ALK: variants seen among roughly 807,000 people sequenced by gnomAD.
ALK encodes the protein ALK receptor tyrosine kinase.
A neutral mutation model predicts 163.1 loss-of-function variants in ALK; 74 were observed. The observed-to-expected ratio is 0.45, with a 90% CI of 0.38 to 0.55. The LOEUF is 0.55. ALK is among the 20% of genes least tolerant of loss of function. The pLI is 0.00. For missense variants in ALK, 2,063 were observed against 2,105.3 expected (o/e 0.98, Z 0.39); for synonymous variants, 960 against 843.2 (o/e 1.14, Z -2.40).
chr2:29,914,271 T>C (rs1027444186), intron 1 of ALK, among the ~76,000 whole-genome samples: 1 of 152,214 alleles, frequency 6.6e-6, no homozygotes, highest in African/African-American at 2.4e-5. Context: ...CTTATAACTC[T>C]CTTCATTTCC....
chr2:29,350,406 T>C (rs760107574), intron 5 of ALK, among the ~76,000 whole-genome samples: 27 of 152,202 alleles, frequency 1.8e-4, no homozygotes, highest in Non-Finnish European at 2.2e-4. Flanking sequence ...CCTATGGCCA[T>C]TGGATCTGGA....
intron 4 of ALK, among the ~76,000 whole-genome samples, chr2:29,483,449 T>TGG (rs1201358515): frequency 4.6e-5 from 7 of 152,184 alleles, no homozygotes; most frequent in Non-Finnish European, 1.0e-4. Flanking sequence ...CGGTATCTCC[T>TGG]GGGAGCTTTT....
chr2:29,796,610 A>C (rs1558492049), intron 1 of ALK, among the ~76,000 whole-genome samples: 6 of 152,206 alleles, frequency 3.9e-5, no homozygotes, highest in Admixed American at 3.9e-4. Flanking sequence ...ATATGAACAG[A>C]AAGCACAGAT....
intron 8 of ALK, among the ~76,000 whole-genome samples, chr2:29,298,612 G>A (rs984435588): frequency 3.3e-5 from 5 of 152,094 alleles, no homozygotes; most frequent in African/African-American, 1.2e-4. Flanking sequence ...AGTACAATGG[G>A]TGTTTCAAAC....
At chr2:29,395,582 C>A (rs548112204) in intron 4 of ALK, among the ~76,000 whole-genome samples, 1 of 152,334 alleles carries the variant, frequency 6.6e-6, no homozygotes, top group Non-Finnish European at 1.5e-5. Context: ...CCTCTCCTGC[C>A]TTTCTATCCC....
At chr2:29,287,542 A>G (rs1453184290) in intron 9 of ALK, among the ~76,000 whole-genome samples, 1 of 152,196 alleles carries the variant, frequency 6.6e-6, no homozygotes. Context: ...CTGAAAAAAA[A>G]TCCCAATGAC....
At chr2:29,217,057 TTGTATG>T (rs559325645) in intron 23 of ALK, among the ~76,000 whole-genome samples, 384 of 145,296 alleles carry the variant, frequency 2.6e-3, no homozygotes, top group Non-Finnish European at 4.1e-3. Flanking sequence ...GTGGTGTGTG[TTGTATG>T]TGTATGTGTA....
At chr2:29,691,659 G>A (rs1023595611) in intron 3 of ALK, among the ~76,000 whole-genome samples, 3 of 152,150 alleles carry the variant, frequency 2.0e-5, no homozygotes, top group Admixed American at 6.5e-5. Flanking sequence ...ATGCTGAGAA[G>A]TAAAAATTTA....
At chr2:29,860,154 G>C (rs1157463675) in intron 1 of ALK, among the ~76,000 whole-genome samples, 1 of 152,216 alleles carries the variant, frequency 6.6e-6, no homozygotes, top group Admixed American at 6.5e-5. Flanking sequence ...CTTGGAAGCT[G>C]TGGTCTGAGG....
intron 3 of ALK, among the ~76,000 whole-genome samples, chr2:29,688,107 T>C (rs1210415192): frequency 6.6e-6 from 1 of 152,206 alleles, no homozygotes; most frequent in East Asian, 1.9e-4. Context: ...CTCCAAGTGA[T>C]GTAGATTCTA....
intron 5 of ALK, among the ~76,000 whole-genome samples, chr2:29,376,562 A>G (rs900590526): frequency 6.6e-6 from 1 of 152,270 alleles, no homozygotes; most frequent in Non-Finnish European, 1.5e-5. Flanking sequence ...TCTGTGGCAT[A>G]GATGAGTGGA....
intron 4 of ALK, among the ~76,000 whole-genome samples, chr2:29,443,736 T>C (rs776411016): frequency 2.6e-5 from 4 of 152,156 alleles, no homozygotes; most frequent in Non-Finnish European, 5.9e-5. Context: ...TGAGAATAAC[T>C]GGAGCTCAGG....
chr2:29,458,493 T>C (rs918750456), intron 4 of ALK, among the ~76,000 whole-genome samples: 1 of 152,178 alleles, frequency 6.6e-6, no homozygotes, highest in Non-Finnish European at 1.5e-5. Context: ...TGTCTTTCAT[T>C]TGAGGGACTC....
chr2:29,852,154 C>G (rs1666012791), intron 1 of ALK, among the ~76,000 whole-genome samples: 2 of 152,280 alleles, frequency 1.3e-5, no homozygotes, highest in Non-Finnish European at 2.9e-5. Context: ...ATCCAATGAC[C>G]TGTGGCACAG....
At chr2:29,787,960 T>C (rs920162507) in intron 1 of ALK, among the ~76,000 whole-genome samples, 1 of 152,198 alleles carries the variant, frequency 6.6e-6, no homozygotes, top group African/African-American at 2.4e-5. Flanking sequence ...TGGTTAGGTG[T>C]GGCACATAGA....
chr2:29,207,010 A>T (rs1456508454), intron 26 of ALK, among the ~76,000 whole-genome samples, 161 bp downstream of exon 26: 1 of 152,190 alleles, frequency 6.6e-6, no homozygotes, highest in Non-Finnish European at 1.5e-5. Flanking sequence ...ATGAATTCTG[A>T]TAGATGCTCA....
chr2:29,594,522 G>T (rs1430802762), intron 3 of ALK, among the ~76,000 whole-genome samples: 1 of 148,994 alleles, frequency 6.7e-6, no homozygotes, highest in East Asian at 2.0e-4. Context: ...TCTGCCTCCC[G>T]GGTTCAAGCG....
intron 3 of ALK, among the ~76,000 whole-genome samples, chr2:29,596,771 T>C (rs868009197): frequency 1.3e-5 from 2 of 152,154 alleles, no homozygotes; most frequent in Non-Finnish European, 2.9e-5. Context: ...CACTTGAGAA[T>C]TCCCCTGGCA....
chr2:29,767,006 G>T (rs981354527), intron 1 of ALK, among the ~76,000 whole-genome samples: 6 of 152,184 alleles, frequency 3.9e-5, no homozygotes, highest in Non-Finnish European at 7.3e-5. Context: ...AGAGGGCAGA[G>T]TTGACTTTCT....
Sources: allele counts gnomAD v4.1 joint callset (sites outside exome capture counted in the v4.1 genomes callset), GRCh38; gene constraint gnomAD v4.1.1; transcripts MANE v1.5; gene names NCBI Gene and HGNC (gene_info 2026-07-23, HGNC 2026-07-21).